ERBB4: variants seen among roughly 807,000 people sequenced by gnomAD.
The protein encoded by ERBB4 is erb-b2 receptor tyrosine kinase 4.
Under a neutral mutation model 158.0 loss-of-function variants are expected in ERBB4, and 42 were observed. The ratio of observed to expected loss-of-function variants is 0.27; its 90% CI spans 0.21 to 0.34. The LOEUF (loss-of-function observed/expected upper bound fraction) is 0.34. Ranked by LOEUF, ERBB4 falls within the 10% of genes least tolerant of loss-of-function variation. ERBB4 has a pLI of 1.00. For missense variants in ERBB4, 1,333 were observed against 1,624.1 expected (o/e 0.82, Z 3.08); for synonymous variants, 583 against 558.7 (o/e 1.04, Z -0.61).
intron 1 of ERBB4, among the ~76,000 whole-genome samples, chr2:212,137,611 T>G (rs1264370656): frequency 6.6e-6 from 1 of 152,238 alleles, no homozygotes. Context: ...TATTTGCTAT[T>G]GTGAACAATA....
At chr2:211,396,017 A>G (rs1233637469) in intron 25 of ERBB4, among the ~76,000 whole-genome samples, 3 of 146,722 alleles carry the variant, frequency 2.0e-5, no homozygotes, top group African/African-American at 7.5e-5. Context: ...TAAGAATAAG[A>G]AAAAAAAAAA....
rs534082369 is a variant in ERBB4 at position 211,492,433 on chromosome 2, A to T, written c.2488-61333T>A. Among the ~76,000 whole-genome samples the T allele has an allele frequency of 2.0e-5, 3 of 152,260 alleles. No homozygotes were observed. In the East Asian group the frequency reaches 5.8e-4, roughly 29 times the overall value. ...TAAGCTAATAAAACAGTTTATTGTG[A>T]GGATTAAATGAGGTAATATAATAAT... is the stretch of plus-strand genomic sequence containing the variant. On this transcript the variant is annotated intron_variant, in intron 20 of 27. Transcript: ENST00000342788.
intron 12 of ERBB4, among the ~76,000 whole-genome samples, chr2:211,685,907 C>A (rs908923082): frequency 2.0e-5 from 3 of 152,072 alleles, no homozygotes; most frequent in Non-Finnish European, 2.9e-5. Context: ...GTTTTAATTT[C>A]TATGTCCCCA....
chr2:211,581,727 A>C (rs2068110313), intron 19 of ERBB4, among the ~76,000 whole-genome samples: 1 of 152,098 alleles, frequency 6.6e-6, no homozygotes, highest in East Asian at 1.9e-4. Flanking sequence ...AATTTCATGT[A>C]GTGGCCGGAC....
chr2:212,082,450 T>C (rs1233566145), intron 2 of ERBB4, among the ~76,000 whole-genome samples: 2 of 152,072 alleles, frequency 1.3e-5, no homozygotes, highest in South Asian at 2.1e-4. Context: ...AAGATGACTA[T>C]AAAATAATGT....
chr2:212,214,796 C>T (rs144543003), intron 1 of ERBB4, among the ~76,000 whole-genome samples: 12 of 151,774 alleles, frequency 7.9e-5, no homozygotes, highest in African/African-American at 2.9e-4. Flanking sequence ...CGCCAAAATA[C>T]ACGTACACAA....
At chr2:211,461,511 C>T (rs1368950985) in intron 20 of ERBB4, among the ~76,000 whole-genome samples, 1 of 151,986 alleles carries the variant, frequency 6.6e-6, no homozygotes, top group Admixed American at 6.6e-5. Flanking sequence ...AGGGTTGTTC[C>T]TTTTGCATAC....
chr2:212,340,205 T>C (rs2088639144), intron 1 of ERBB4, among the ~76,000 whole-genome samples: 1 of 151,984 alleles, frequency 6.6e-6, no homozygotes, highest in South Asian at 2.1e-4. Flanking sequence ...CCAGTCCAAA[T>C]TCATATTCCA....
chr2:211,391,062 AT>A (rs2062789080), intron 25 of ERBB4, among the ~76,000 whole-genome samples: 3 of 152,346 alleles, frequency 2.0e-5, no homozygotes, highest in Admixed American at 2.0e-4. Context: ...GTTTAAATAT[AT>A]TTAAATTACA....
chr2:211,849,505 G>C (rs2077667325), intron 3 of ERBB4, among the ~76,000 whole-genome samples: 1 of 151,784 alleles, frequency 6.6e-6, no homozygotes, highest in African/African-American at 2.4e-5. Flanking sequence ...AATTATTAAA[G>C]TTGATATCTA....
At position 212,169,680 on chromosome 2, in the gene ERBB4, C is replaced by T. The variant is rs78581495; in HGVS notation, c.83-44777G>A. Among the ~76,000 whole-genome samples, 220 of 152,198 alleles carry T rather than the reference C, an allele frequency of 1.4e-3. 4 individuals are homozygous for T. The East Asian group carries it at 0.017, about 12-fold the overall frequency. On this transcript the variant is annotated intron_variant, in intron 1 of 27. Coordinates refer to ENST00000342788, the MANE Select transcript of ERBB4 (RefSeq NM_005235.3). ...CTCAAATTGTAATCTCCATAATTCCCGACATCTCAAGGGAAGGACCAGGTG... is the reference window on the plus strand; with the variant it reads ...CTCAAATTGTAATCTCCATAATTCCTGACATCTCAAGGGAAGGACCAGGTG...
chr2:211,675,792 T>TTTTATATA lies in ERBB4; in HGVS notation c.1623-2536_1623-2535insTATATAAA, dbSNP rs1553607852. Among the ~76,000 whole-genome samples the TTTTATATA allele has an allele frequency of 7.0e-3, 657 of 93,584 alleles. 14 individuals carry two copies. Among genetic ancestry groups the TTTTATATA allele is most frequent in the African/African-American group, 0.019 (622 of 31,926 alleles). The allele number at this position is 93,584 out of a possible 152,430, so 61.4% of individuals were successfully genotyped here. ...TATAATATATATATAAAATATAATA[T>TTTTATATA]TATATATATATATATATAACAAATA... On this transcript the variant is annotated intron_variant, in intron 13 of 27. Transcript: ENST00000342788.
At chr2:211,409,839 T>G (rs550593277) in intron 25 of ERBB4, among the ~76,000 whole-genome samples, 1 of 152,168 alleles carries the variant, frequency 6.6e-6, no homozygotes, top group Non-Finnish European at 1.5e-5. Flanking sequence ...TTTTATATTT[T>G]CCAGTATCAG....
intron 3 of ERBB4, among the ~76,000 whole-genome samples, chr2:211,937,970 C>CATAG (rs749815309): frequency 6.6e-5 from 10 of 152,132 alleles, no homozygotes; most frequent in Non-Finnish European, 1.2e-4. Context: ...AAACCCAAGT[C>CATAG]ATAGCAGCTT....
Position 211,380,956 on chromosome 2 carries a change from A to G in ERBB4, c.*2659T>C, listed in dbSNP as rs2062564757. ...TGCATATTGTAAATCAGAAAAAAAA[A>G]ATCAAGGTATAGTATCCAAAAAGAG... On this transcript the variant is annotated 3_prime_UTR_variant, in exon 28 of 28. Coordinates refer to ENST00000342788, the MANE Select transcript of ERBB4 (RefSeq NM_005235.3). The G allele has an allele frequency of 4.3e-6, 1 of 232,286 alleles. No individual in the cohort carries two copies. Among genetic ancestry groups the G allele is most frequent in the South Asian group, 1.8e-4 (1 of 5,528 alleles). The allele number at this position is 232,286 out of a possible 1,614,324, so 14.4% of individuals were successfully genotyped here.
At chr2:212,474,334 G>C (rs1689267711) in intron 1 of ERBB4, among the ~76,000 whole-genome samples, 1 of 152,020 alleles carries the variant, frequency 6.6e-6, no homozygotes, top group South Asian at 2.1e-4. Flanking sequence ...AAGGTTCAAA[G>C]TAGCTATTTT....
At chr2:212,249,142 G>T (rs113052672) in intron 1 of ERBB4, among the ~76,000 whole-genome samples, 33 of 152,102 alleles carry the variant, frequency 2.2e-4, no homozygotes, top group African/African-American at 7.9e-4. Flanking sequence ...TATTGTTTGC[G>T]ATGAAGCATA....
At chr2:211,735,222 T>TA (rs67997650) in intron 5 of ERBB4, among the ~76,000 whole-genome samples, 67,890 of 150,284 alleles carry the variant, frequency 0.45, 15,943 homozygotes, top group Non-Finnish European at 0.53. Flanking sequence ...CACATGAATT[T>TA]AAAAAAAAAA....
chr2:212,320,905 G>T (rs1386938019), intron 1 of ERBB4, among the ~76,000 whole-genome samples: 1 of 150,066 alleles, frequency 6.7e-6, no homozygotes, highest in Non-Finnish European at 1.5e-5. Flanking sequence ...CCAAAGTCTT[G>T]TTTGGTAAGA....
Sources: allele counts gnomAD v4.1 joint callset (sites outside exome capture counted in the v4.1 genomes callset), GRCh38; gene constraint gnomAD v4.1.1; transcripts MANE v1.5; gene names NCBI Gene and HGNC (gene_info 2026-07-23, HGNC 2026-07-21).